Variants in JAKMIP2 observed in about 807,000 individuals in gnomAD.
The protein encoded by JAKMIP2 is janus kinase and microtubule interacting protein 2.
Under a neutral mutation model 115.0 loss-of-function variants are expected in JAKMIP2, and 25 were observed. That is an observed-to-expected ratio of 0.22 (90% CI 0.16 to 0.30). JAKMIP2 has a LOEUF of 0.30. JAKMIP2 is among the 10% of genes least tolerant of loss of function. The probability of loss-of-function intolerance (pLI) is 1.00; values close to 1 mark genes in which losing one functional copy is unlikely to be tolerated. For synonymous variants in JAKMIP2, 334 were observed against 343.6 expected (o/e 0.97, Z 0.31); for missense variants, 642 against 957.6 (o/e 0.67, Z 4.35).
At chr5:147,644,295 G>C in intron 6 of JAKMIP2, 97 bp from the exon 7 acceptor site, 1 of 1,207,048 alleles carries the variant, frequency 8.3e-7, no homozygotes, top group Non-Finnish European at 1.1e-6. Context: ...TGAGGCTCCA[G>C]CTAAATTTGG....
chr5:147,611,748 A>T (rs1157758843), intron 20 of JAKMIP2, among the ~76,000 whole-genome samples: 1 of 152,084 alleles, frequency 6.6e-6, no homozygotes, highest in African/African-American at 2.4e-5. Context: ...CCCCACACGC[A>T]TTTCCAAGTG....
At chr5:147,700,259 T>C (rs546190718) in intron 1 of JAKMIP2, among the ~76,000 whole-genome samples, 37 of 152,106 alleles carry the variant, frequency 2.4e-4, no homozygotes, top group South Asian at 1.2e-3. Flanking sequence ...ATAAGGGATA[T>C]AAACAAAGAA....
intron 1 of JAKMIP2, among the ~76,000 whole-genome samples, chr5:147,711,361 T>C (rs567161711): frequency 6.6e-6 from 1 of 152,198 alleles, no homozygotes; most frequent in Non-Finnish European, 1.5e-5. Context: ...TTATTTTGCA[T>C]TGGGTACTTT....
intron 1 of JAKMIP2, among the ~76,000 whole-genome samples, chr5:147,768,756 G>C (rs1047395756): frequency 3.9e-5 from 6 of 152,030 alleles, no homozygotes; most frequent in South Asian, 2.1e-4. Flanking sequence ...ATATGATTTC[G>C]CTTAAATAAG....
chr5:147,691,849 A>G (rs527673475), intron 1 of JAKMIP2, among the ~76,000 whole-genome samples: 4 of 151,812 alleles, frequency 2.6e-5, no homozygotes, highest in African/African-American at 9.7e-5. Flanking sequence ...ACTCCTTGAG[A>G]CTTTTTGCTC....
At chr5:147,620,531 C>A (rs543256580) in intron 18 of JAKMIP2, 135 bp downstream of exon 18, 53 of 509,486 alleles carry the variant, frequency 1.0e-4, no homozygotes, top group Non-Finnish European at 1.6e-4. Context: ...AAAATTAGAT[C>A]TGAAAACCAG....
At chr5:147,764,946 G>GAAAGAAA (rs1561582563) in intron 1 of JAKMIP2, among the ~76,000 whole-genome samples, 2 of 86,468 alleles carry the variant, frequency 2.3e-5, no homozygotes, top group South Asian at 3.9e-4. Context: ...GAGAGAGAGA[G>GAAAGAAA]GGAGAGAGAG....
chr5:147,600,661 A>G (rs1203801715), intron 21 of JAKMIP2, among the ~76,000 whole-genome samples: 5 of 152,178 alleles, frequency 3.3e-5, no homozygotes, highest in African/African-American at 1.2e-4. Flanking sequence ...TCAGAATCAC[A>G]TAGCGTGCTT....
chr5:147,679,226 C>A (rs1259545863), intron 1 of JAKMIP2, among the ~76,000 whole-genome samples: 2 of 152,066 alleles, frequency 1.3e-5, no homozygotes, highest in African/African-American at 2.4e-5. Context: ...AGAGATCTGC[C>A]CACCTTGGCC....
At chr5:147,736,623 T>C (rs1561568124) in intron 1 of JAKMIP2, among the ~76,000 whole-genome samples, 1 of 152,060 alleles carries the variant, frequency 6.6e-6, no homozygotes. Context: ...TGGATATTTA[T>C]ATGTTGGATA....
intron 1 of JAKMIP2, among the ~76,000 whole-genome samples, chr5:147,721,733 A>G (rs973316800): frequency 8.6e-5 from 13 of 151,810 alleles, no homozygotes; most frequent in South Asian, 2.1e-4. Context: ...GCACCCACTG[A>G]CCTGCGCCTG....
At chr5:147,724,666 A>G (rs1443174217) in intron 1 of JAKMIP2, among the ~76,000 whole-genome samples, 4 of 152,206 alleles carry the variant, frequency 2.6e-5, no homozygotes, top group African/African-American at 7.2e-5. Flanking sequence ...ACTCAAACTC[A>G]GGTATATTAA....
At chr5:147,604,535 C>T (rs1043003726) in intron 20 of JAKMIP2, among the ~76,000 whole-genome samples, 1 of 152,166 alleles carries the variant, frequency 6.6e-6, no homozygotes, top group Non-Finnish European at 1.5e-5. Context: ...AGCCCACCAA[C>T]TCCCTTTAAC....
Position 147,782,721 on chromosome 5 carries a change from G to T in JAKMIP2, c.-414C>A, listed in dbSNP as rs1221172682. 1.7e-6 allele frequency: 1 copy of T among 586,506 alleles called. No individual in the cohort carries two copies. Among genetic ancestry groups the T allele is most frequent in the Non-Finnish European group, 3.1e-6 (1 of 325,712 alleles). The allele number at this position is 586,506 out of a possible 1,614,324, so 36.3% of individuals were successfully genotyped here. ...GGCCTCCTCCCTCTCGGAGGATGGG[G>T]TGAGCTCGGAAGCAGCCAGGAACTT... is the stretch of plus-strand genomic sequence containing the variant. On this transcript the variant is annotated 5_prime_UTR_variant, in exon 1 of 22. Transcript: ENST00000616793.
At chr5:147,782,227 T>A (rs561002719) in intron 1 of JAKMIP2, among the ~76,000 whole-genome samples, 1 of 152,112 alleles carries the variant, frequency 6.6e-6, no homozygotes, top group African/African-American at 2.4e-5. Flanking sequence ...CTGAGCCAGT[T>A]AGAGATAAAA....
At chr5:147,593,384 G>A (rs887659435) in intron 21 of JAKMIP2, among the ~76,000 whole-genome samples, 1 of 152,226 alleles carries the variant, frequency 6.6e-6, no homozygotes, top group African/African-American at 2.4e-5. Context: ...GATATCAAGT[G>A]TTGGTCAACA....
rs1315271970 is a variant in JAKMIP2, at chr5:147,716,329, G to A, written c.-148-44375C>T. 3.6e-5 allele frequency among the ~76,000 whole-genome samples: 5 copies of A among 140,262 alleles called. No homozygotes were observed. The South Asian group carries it at 1.3e-3, about 36-fold the overall frequency. The allele number at this position is 140,262 out of a possible 152,430, so 92.0% of individuals were successfully genotyped here. ...TACGTGTGCATGTGTCTTTATAGCA[G>A]CATGATTTATAGTCCTTTGGGTATA... On this transcript the variant is annotated intron_variant, in intron 1 of 21. Transcript: ENST00000616793.
intron 1 of JAKMIP2, among the ~76,000 whole-genome samples, chr5:147,682,816 T>G (rs2288829): frequency 0.2 from 30,248 of 152,108 alleles, 4,026 homozygotes; most frequent in East Asian, 0.45. Flanking sequence ...ATTAAATGTA[T>G]TTTTCTTTAA....
At chr5:147,601,040 A>T (rs77105473) in intron 21 of JAKMIP2, among the ~76,000 whole-genome samples, 3,759 of 152,250 alleles carry the variant, frequency 0.025, 110 homozygotes, top group African/African-American at 0.068. Flanking sequence ...GCTGAACGCA[A>T]CACTAAAGAT....
Sources: allele counts gnomAD v4.1 joint callset (sites outside exome capture counted in the v4.1 genomes callset), GRCh38; gene constraint gnomAD v4.1.1; transcripts MANE v1.5; gene names NCBI Gene and HGNC (gene_info 2026-07-23, HGNC 2026-07-21).